Variants in TSNARE1 observed in about 807,000 individuals in gnomAD.
TSNARE1 encodes the protein t-SNARE domain containing 1.
In TSNARE1, 49 loss-of-function variants were observed where a neutral mutation model predicts 62.0. That is an observed-to-expected ratio of 0.79 (90% confidence interval 0.63 to 1.00). The LOEUF is 1.00. TSNARE1 is among the 50% of genes least tolerant of loss of function. The pLI is 0.00. For missense variants in TSNARE1, 755 were observed against 700.1 expected (o/e 1.08, Z -0.88); for synonymous variants, 328 against 294.4 (o/e 1.11, Z -1.17).
chr8:142,357,756 G>T (rs35417839), intron 1 of TSNARE1, among the ~76,000 whole-genome samples: 20,595 of 152,222 alleles, frequency 0.14, 1,487 homozygotes, highest in East Asian at 0.22. Flanking sequence ...CATGCAGAAC[G>T]CGAGTCCACT....
intron 9 of TSNARE1, among the ~76,000 whole-genome samples, chr8:142,311,947 A>G (rs1827687244): frequency 6.6e-6 from 1 of 152,086 alleles, no homozygotes; most frequent in Non-Finnish European, 1.5e-5. Flanking sequence ...CTCTGGTAAA[A>G]GTCTATACCA....
chr8:142,277,064 G>A (rs1820615065), intron 11 of TSNARE1: 2 of 985,270 alleles, frequency 2.0e-6, no homozygotes, highest in South Asian at 4.7e-5. Flanking sequence ...GTGGTACTGA[G>A]CGACACTCCA....
intron 1 of TSNARE1, among the ~76,000 whole-genome samples, chr8:142,379,241 C>A (rs1432559500): frequency 6.6e-6 from 1 of 152,214 alleles, no homozygotes; most frequent in South Asian, 2.1e-4. Flanking sequence ...AAGGACAGAC[C>A]GTCCGTCACG....
chr8:142,281,983 C>T (rs1821562002), intron 11 of TSNARE1, among the ~76,000 whole-genome samples: 1 of 152,240 alleles, frequency 6.6e-6, no homozygotes, highest in Non-Finnish European at 1.5e-5. Flanking sequence ...GACTGTGGGC[C>T]TCCCACTTCC....
At chr8:142,264,865 C>T (rs1819054652) in intron 12 of TSNARE1, among the ~76,000 whole-genome samples, 1 of 152,116 alleles carries the variant, frequency 6.6e-6, no homozygotes, top group Non-Finnish European at 1.5e-5. Flanking sequence ...TCTGATGAGC[C>T]CTTTTAATCT....
chr8:142,314,452 A>C lies in TSNARE1; in HGVS notation c.1075-12T>G, dbSNP rs555510797. The C allele has an allele frequency of 6.2e-7, 1 of 1,613,244 alleles. No homozygotes were observed. Among genetic ancestry groups the C allele is most frequent in the South Asian group, 1.1e-5 (1 of 90,908 alleles). On this transcript the variant is annotated splice_polypyrimidine_tract_variant and intron_variant, in intron 8 of 13. Coordinates refer to ENST00000524325, the MANE Select transcript of TSNARE1 (RefSeq NM_145003.5). The stretch of plus-strand genomic sequence containing the variant: ...TTTTCTGCAATTTTCTGTTGAAAAA[A>C]GGACAAGAGAAGAAAGACAGGAAGA...
In TSNARE1 at chr8:142,266,759, C is replaced by T. The variant is rs181217452; in HGVS notation, c.1446+8022G>A. Among the ~76,000 whole-genome samples, 27 of 152,338 alleles carry T rather than the reference C, an allele frequency of 1.8e-4. 1 individual carries two copies. The highest frequency in any genetic ancestry group is 6.0e-4 in the African/African-American group (25 of 41,576). Reference sequence around the variant, plus strand: ...TCACACATCACATCAACGACCTCTTCACACACTGCTTTCCTCCATTTCACT... The same window carrying T: ...TCACACATCACATCAACGACCTCTTTACACACTGCTTTCCTCCATTTCACT... On this transcript the variant is annotated intron_variant, in intron 12 of 13. Coordinates refer to ENST00000524325, the MANE Select transcript of TSNARE1 (RefSeq NM_145003.5).
chr8:142,258,648 A>AT (rs558554948), intron 12 of TSNARE1, among the ~76,000 whole-genome samples: 1 of 151,704 alleles, frequency 6.6e-6, no homozygotes, highest in African/African-American at 2.4e-5. Flanking sequence ...CACCTGGCTA[A>AT]TTTTTTTTGT....
At chr8:142,257,496 T>C (rs1298361158) in intron 12 of TSNARE1, among the ~76,000 whole-genome samples, 1 of 152,076 alleles carries the variant, frequency 6.6e-6, no homozygotes, top group Non-Finnish European at 1.5e-5. Context: ...CCTCCTCCCC[T>C]GTAGGCCACC....
intron 10 of TSNARE1, among the ~76,000 whole-genome samples, chr8:142,290,284 G>C (rs556194283): frequency 6.6e-6 from 1 of 152,200 alleles, no homozygotes; most frequent in South Asian, 2.1e-4. Context: ...TTCTGGTGCT[G>C]TTCTCGGGGG....
At chr8:142,352,538 C>T (rs1459139647) in intron 2 of TSNARE1, among the ~76,000 whole-genome samples, 1 of 152,282 alleles carries the variant, frequency 6.6e-6, no homozygotes, top group Non-Finnish European at 1.5e-5. Flanking sequence ...GCCTTAGCAT[C>T]CCTGAGATGC....
chr8:142,253,804 G>T (rs1474390799), intron 12 of TSNARE1, among the ~76,000 whole-genome samples: 1 of 152,218 alleles, frequency 6.6e-6, no homozygotes, highest in Non-Finnish European at 1.5e-5. Context: ...TTTCCCAGGG[G>T]CCCGGCACGT....
chr8:142,249,649 G>A (rs1192549414), intron 12 of TSNARE1, among the ~76,000 whole-genome samples: 1 of 152,238 alleles, frequency 6.6e-6, no homozygotes, highest in Non-Finnish European at 1.5e-5. Context: ...CTCCGCCCAG[G>A]GTGCTGCAGC....
At chr8:142,367,389 G>A (rs190024423) in intron 1 of TSNARE1, among the ~76,000 whole-genome samples, 158 of 152,220 alleles carry the variant, frequency 1.0e-3, no homozygotes, top group African/African-American at 3.6e-3. Flanking sequence ...CAACAGGGAC[G>A]GATCCTGAAA....
rs2131310365 is a variant in TSNARE1, at chr8:142,300,568, T to C, written c.1208A>G (p.Gln403Arg). 1 of 1,613,280 alleles carries C rather than the reference T, an allele frequency of 6.2e-7. No homozygotes were observed. Among genetic ancestry groups the C allele is most frequent in the Non-Finnish European group, 8.5e-7 (1 of 1,179,984 alleles). Reference sequence around the variant, plus strand: ...GATGTCCGGGAGCAGCGCCTGCTCCTGGCCCTGCCACATGTTGTCACTCCC... The same window carrying C: ...GATGTCCGGGAGCAGCGCCTGCTCCCGGCCCTGCCACATGTTGTCACTCCC... ...FNGSDNMWQG[Q>R]EQALLPDITE... The change falls in exon 10 of 14, where the codon CAG (glutamine) becomes CGG (arginine). Residue 403 changes from glutamine (Q) to arginine (R), a missense_variant. Coordinates refer to ENST00000524325, the MANE Select transcript of TSNARE1 (RefSeq NM_145003.5).
chr8:142,310,397 C>T (rs1325081896), intron 9 of TSNARE1, among the ~76,000 whole-genome samples: 1 of 151,558 alleles, frequency 6.6e-6, no homozygotes, highest in Non-Finnish European at 1.5e-5. Flanking sequence ...TCCTCATCAT[C>T]ACCGTTCCAC....
At position 142,389,810 on chromosome 8, in the gene TSNARE1, C is replaced by CT. The variant is rs142564493; in HGVS notation, c.-40+13293dup. 6.2e-4 allele frequency among the ~76,000 whole-genome samples: 94 copies of CT among 152,316 alleles called. 1 individual carries two copies. The East Asian group carries it at 0.018, about 28-fold the overall frequency. On this transcript the variant is annotated intron_variant, in intron 1 of 13. Transcript: ENST00000524325. Reference sequence around the variant, plus strand: ...TTTGCTTGGAATGTATAATGAAGCTCTGGAAGGACAAACAGTCATTCTTTG... The same window carrying CT: ...TTTGCTTGGAATGTATAATGAAGCTCTTGGAAGGACAAACAGTCATTCTTTG...
intron 11 of TSNARE1, chr8:142,276,257 A>G (rs561373223): frequency 8.1e-6 from 8 of 985,266 alleles, no homozygotes; most frequent in Non-Finnish European, 9.6e-6. Context: ...GCTCACTTGC[A>G]GACAGCCCCC....
chr8:142,230,911 C>A (rs1817080276), intron 12 of TSNARE1, among the ~76,000 whole-genome samples: 1 of 151,444 alleles, frequency 6.6e-6, no homozygotes, highest in African/African-American at 2.4e-5. Context: ...CATCCATCCA[C>A]CTATCCATCT....
Sources: gnomAD v4.1 joint callset for allele counts (sites outside exome capture counted in the v4.1 genomes callset) on GRCh38, gnomAD v4.1.1 for gene constraint, MANE v1.5 for transcripts, NCBI Gene and HGNC (gene_info 2026-07-23, HGNC 2026-07-21) for gene names.